The following RPS6KL1 variants were observed in gnomAD, a reference collection of about 807,000 sequenced individuals.
The protein encoded by RPS6KL1 is ribosomal protein S6 kinase like 1.
A neutral mutation model predicts 57.0 loss-of-function variants in RPS6KL1; 41 were observed. The observed-to-expected ratio is 0.72, with a 90% CI of 0.56 to 0.93. The LOEUF (loss-of-function observed/expected upper bound fraction) is 0.93, where lower values mean the gene tolerates loss of function less well. Among genes scored for constraint, RPS6KL1 ranks in the 40% least tolerant of loss-of-function variants. The pLI is 0.00. For missense variants in RPS6KL1, 697 were observed against 727.7 expected, an observed-to-expected ratio of 0.96 and a Z score of 0.49; for synonymous variants, 287 against 309.7, an observed-to-expected ratio of 0.93 and a Z score of 0.77.
rs758615274 is a variant in RPS6KL1, at chr14:74,922,007, G to T, written c.-50C>A. On this transcript the variant is annotated 5_prime_UTR_variant, in exon 2 of 12. Transcript: ENST00000557413. ...TTGGCCAGGCTGGTCTTGAACTCCT[G>T]ACCTCAAGTGATCCGTCTGCCTCGG... 8.1e-6 allele frequency: 2 copies of T among 245,692 alleles called. No homozygotes were observed. Among genetic ancestry groups the T allele is most frequent in the African/African-American group, 2.3e-5 (1 of 43,438 alleles). The allele number at this position is 245,692 out of a possible 1,614,324, so 15.2% of individuals were successfully genotyped here.
Position 74,921,350 on chromosome 14 carries a change from A to T in RPS6KL1, c.192T>A (p.Asp64Glu), listed in dbSNP as rs780621898. 1.1e-5 allele frequency: 18 copies of T among 1,614,080 alleles called. No individual in the cohort carries two copies. The East Asian group carries it at 4.0e-4, about 36-fold the overall frequency. ...AGGCCGCCTCATAGTCCTCACTAAC[A>T]TCGCGCTCCAGGGCCAGCCGGATCT... ...ATQIRLALER[D>E]VSEDYEAAFN... Residue 64 changes from aspartate to glutamate, a missense_variant, in exon 3 of 12, where the codon GAT becomes GAA. Asp to Glu is a conservative substitution (Grantham distance 45). Transcript: ENST00000557413.
rs1210196613 is a variant in RPS6KL1 at position 74,908,830 on chromosome 14, C to T, written c.1443+20G>A. 4 of 1,609,636 alleles carry T rather than the reference C, an allele frequency of 2.5e-6. No homozygotes were observed. The highest frequency in any genetic ancestry group is 2.7e-5 in the African/African-American group (2 of 74,944). On this transcript the variant is annotated intron_variant, in intron 10 of 11. Coordinates refer to ENST00000557413, the MANE Select transcript of RPS6KL1 (RefSeq NM_031464.5). The stretch of plus-strand genomic sequence containing the variant: ...CTCAGTGGCACCCACCAGGGCACTA[C>T]ACCCAGCCCAGCCACTCACCATTCC...
At chr14:74,909,234 G>A (rs1279220443) in intron 8 of RPS6KL1, 44 bp from the exon 9 acceptor site, 10 of 1,564,596 alleles carry the variant, frequency 6.4e-6, no homozygotes, top group Non-Finnish European at 8.8e-6. Context: ...ATTGAGGACA[G>A]CTGATACAGG....
At chr14:74,917,414 G>T (rs924421691) in intron 5 of RPS6KL1, among the ~76,000 whole-genome samples, 5 of 152,124 alleles carry the variant, frequency 3.3e-5, no homozygotes, top group Admixed American at 6.5e-5. Context: ...GTACAGGACT[G>T]TCTCCTTTTC....
At chr14:74,911,103 C>T in intron 7 of RPS6KL1, 145 bp downstream of exon 7, 1 of 734,148 alleles carries the variant, frequency 1.4e-6, no homozygotes, top group South Asian at 1.4e-5. Flanking sequence ...AACTCCTGAC[C>T]TCAGTTGATC....
At chr14:74,907,365 C>T (rs61609357) in intron 11 of RPS6KL1, 70 bp downstream of exon 11, 34,106 of 1,523,536 alleles carry the variant, frequency 0.022, 502 homozygotes, top group South Asian at 0.044. Flanking sequence ...GGTTCAGACA[C>T]AGTTCTGTGC....
chr14:74,906,410 G>GGGGGGT lies in RPS6KL1; in HGVS notation c.*603_*604insACCCCC. On this transcript the variant is annotated 3_prime_UTR_variant, in exon 12 of 12. Transcript: ENST00000557413. ...GGGGGCATGGTCAGGAATCGGGGGT[G>GGGGGGT]GGGGGGTGGGGGTGGGGGTCATCCT... The GGGGGGT allele has an allele frequency of 8.9e-6, 2 of 224,922 alleles. No homozygotes were observed. Among genetic ancestry groups the GGGGGGT allele is most frequent in the Non-Finnish European group, 1.7e-5 (2 of 119,372 alleles). The allele number at this position is 224,922 out of a possible 1,614,324, so 13.9% of individuals were successfully genotyped here. A position where few individuals can be genotyped will look rare whatever the true frequency, so the allele number is the denominator to read the frequency against.
chr14:74,918,739 C>T, intron 4 of RPS6KL1, 134 bp from the exon 5 acceptor site: 1 of 607,492 alleles, frequency 1.6e-6, no homozygotes, highest in Admixed American at 3.1e-5. Context: ...ATAGGCAGGC[C>T]CCACCCCACA....
chr14:74,916,991 G>A (rs1886963224), intron 5 of RPS6KL1, among the ~76,000 whole-genome samples: 1 of 152,242 alleles, frequency 6.6e-6, no homozygotes, highest in South Asian at 2.1e-4. Flanking sequence ...GGGAACGGCT[G>A]TGCTCAGCCA....
chr14:74,909,789 G>A lies in RPS6KL1; in HGVS notation c.1024C>T (p.Pro342Ser). Reference protein sequence around the residue: ...RAGQNSDAGPPRGLTWVPEGA... With the variant: ...RAGQNSDAGPSRGLTWVPEGA... ...TCAGGAACCCAAGTGAGCCCCCGAG[G>A]GGGCCCAGCGTCTGAGTTCTGGCCA... is the stretch of plus-strand genomic sequence containing the variant. The change falls in exon 8 of 12, where the codon CCT becomes TCT. Residue 342 changes from proline (P) to serine (S), a missense_variant. Coordinates refer to ENST00000557413, the MANE Select transcript of RPS6KL1 (RefSeq NM_031464.5). 1 of 1,606,066 alleles carries A rather than the reference G, an allele frequency of 6.2e-7. No individual in the cohort carries two copies. Among genetic ancestry groups the A allele is most frequent in the Non-Finnish European group, 8.5e-7 (1 of 1,176,400 alleles).
In RPS6KL1 at chr14:74,922,318, C is replaced by T. The variant is rs961579067; in HGVS notation, c.-361G>A. 14 of 986,226 alleles carry T rather than the reference C, an allele frequency of 1.4e-5. No homozygotes were observed. The highest frequency in any genetic ancestry group is 1.6e-5 in the Non-Finnish European group (13 of 830,574). The allele number at this position is 986,226 out of a possible 1,614,324, so 61.1% of individuals were successfully genotyped here. On this transcript the variant is annotated 5_prime_UTR_variant, in exon 2 of 12. Coordinates refer to ENST00000557413, the MANE Select transcript of RPS6KL1 (RefSeq NM_031464.5). ...CCCTGCCTGTTGTCTCCTCCCTGCT[C>T]CTCCTGTGGGAATCTCATTTACCCT...
intron 5 of RPS6KL1, among the ~76,000 whole-genome samples, chr14:74,915,276 G>A (rs1315384548): frequency 1.3e-5 from 2 of 152,238 alleles, no homozygotes; most frequent in East Asian, 1.9e-4. Flanking sequence ...ATAAGGCTTC[G>A]TTCCCCCATG....
chr14:74,910,025 G>C lies in RPS6KL1; in HGVS notation c.788C>G (p.Ala263Gly). ...LNPHLNLLTP[A>G]RLPSGHAPGQ... ...AGGGGCATGGCCTGAGGGAAGCCTC[G>C]CTGGGGTCAGGAGGTTGAGGTGGGG... is the stretch of plus-strand genomic sequence containing the variant. Residue 263 changes from alanine (A) to glycine (G), a missense_variant, in exon 8 of 12, where the codon GCG (alanine) becomes GGG (glycine). Ala to Gly is a moderately conservative substitution (Grantham distance 60). Transcript: ENST00000557413. 6.2e-7 allele frequency: 1 copy of C among 1,613,794 alleles called. No homozygotes were observed. Among genetic ancestry groups the C allele is most frequent in the Non-Finnish European group, 8.5e-7 (1 of 1,179,914 alleles).
chr14:74,921,238 TCCCC>T, intron 3 of RPS6KL1, 35 bp downstream of exon 3: 19 of 840,160 alleles, frequency 2.3e-5, no homozygotes, highest in Non-Finnish European at 3.3e-5. Flanking sequence ...CACTGGCCCT[TCCCC>T]ACCCACCCCA....
Position 74,905,494 on chromosome 14 carries a change from C to T in RPS6KL1, c.*1520G>A, listed in dbSNP as rs1000650494. On this transcript the variant is annotated 3_prime_UTR_variant, in exon 12 of 12. Coordinates refer to ENST00000557413, the MANE Select transcript of RPS6KL1 (RefSeq NM_031464.5). ...CGACCCCACCCCTTCCCCTGAGGCC[C>T]ACATGGCATGCTGCTCACCACCAGC... is the stretch of plus-strand genomic sequence containing the variant. 4.6e-5 allele frequency: 7 copies of T among 152,188 alleles called. No individual in the cohort carries two copies. Among genetic ancestry groups the T allele is most frequent in the African/African-American group, 1.7e-4 (7 of 41,412 alleles). 9.4% of individuals were successfully genotyped at this position (152,188 alleles called of 1,614,324 possible). A position where few individuals can be genotyped will look rare whatever the true frequency, so the allele number is the denominator to read the frequency against.
chr14:74,918,200 G>A (rs1887185563), intron 5 of RPS6KL1, among the ~76,000 whole-genome samples: 1 of 152,044 alleles, frequency 6.6e-6, no homozygotes, highest in Non-Finnish European at 1.5e-5. Context: ...TCTTGCCTTG[G>A]CCTGGTGCTT....
At chr14:74,909,365 G>T in intron 8 of RPS6KL1, 175 bp from the exon 9 acceptor site, 1 of 1,004,490 alleles carries the variant, frequency 1.0e-6, no homozygotes, top group Non-Finnish European at 1.5e-6. Context: ...GGCCCACAGA[G>T]CCCACAGGGT....
intron 6 of RPS6KL1, 24 bp downstream of exon 6, chr14:74,911,770 T>G (rs1886041989): frequency 6.4e-7 from 1 of 1,554,466 alleles, no homozygotes; most frequent in Non-Finnish European, 8.7e-7. Context: ...GAATGCAGAG[T>G]GGCAGGGGCA....
chr14:74,907,269 G>T, intron 11 of RPS6KL1, 145 bp from the exon 12 acceptor site: 1 of 1,377,476 alleles, frequency 7.3e-7, no homozygotes, highest in Non-Finnish European at 9.7e-7. Context: ...TGGGAACATT[G>T]GTGGTGGTTG....
Sources: gnomAD v4.1 joint callset for allele counts (sites outside exome capture counted in the v4.1 genomes callset) on GRCh38, gnomAD v4.1.1 for gene constraint, MANE v1.5 for transcripts, NCBI Gene and HGNC (gene_info 2026-07-23, HGNC 2026-07-21) for gene names.